ZNF90: variants seen among roughly 807,000 people sequenced by gnomAD.
ZNF90 encodes the protein zinc finger protein 90, also known as zinc finger protein HTF9.
Under a neutral mutation model 12.0 loss-of-function variants are expected in ZNF90, and 11 were observed. That is an observed-to-expected ratio of 0.92 (90% confidence interval 0.58 to 1.52). The LOEUF (loss-of-function observed/expected upper bound fraction) is 1.52. Ranked by LOEUF, ZNF90 falls within the 40% of genes most tolerant of loss-of-function variation. The pLI, the probability that ZNF90 is intolerant of heterozygous loss-of-function variation, is 0.00. For missense variants in ZNF90, 765 were observed against 711.5 expected (o/e 1.08, Z -0.86); for synonymous variants, 232 against 240.1 (o/e 0.97, Z 0.31).
chr19:20,088,354 C>T (rs1350433897), intron 1 of ZNF90, among the ~76,000 whole-genome samples: 1 of 151,936 alleles, frequency 6.6e-6, no homozygotes, highest in Non-Finnish European at 1.5e-5. Flanking sequence ...TTAGAAGAAA[C>T]ATTTGTCGTA....
At chr19:20,101,853 T>C (rs976690337) in intron 1 of ZNF90, among the ~76,000 whole-genome samples, 11 of 152,328 alleles carry the variant, frequency 7.2e-5, no homozygotes, top group African/African-American at 2.6e-4. Context: ...CATTTAGCAC[T>C]CAGAAAACTT....
intron 3 of ZNF90, among the ~76,000 whole-genome samples, chr19:20,106,327 A>G (rs1023660225): frequency 4.6e-5 from 7 of 152,088 alleles, no homozygotes; most frequent in African/African-American, 1.4e-4. Context: ...TTCAATTTCA[A>G]TGGATTTTTT....
rs2089157997 is a variant in ZNF90 at position 20,118,180 on chromosome 19, C to G, written c.626C>G (p.Ala209Gly). The change falls in exon 4 of 4, where the codon GCC (alanine) becomes GGC (glycine). Residue 209 changes from alanine (A) to glycine (G), a missense_variant. Transcript: ENST00000418063. Reference sequence around the variant, plus strand: ...TGCAAATGTGAAGAATGTGGCAAAGCCTTCAACAGGTCCTCACACCTTACT... The same window carrying G: ...TGCAAATGTGAAGAATGTGGCAAAGGCTTCAACAGGTCCTCACACCTTACT... ...ITCKCEECGK[A>G]FNRSSHLTSH... 2 of 1,612,794 alleles carry G rather than the reference C, an allele frequency of 1.2e-6. No individual in the cohort carries two copies. The highest frequency in any genetic ancestry group is 1.7e-6 in the Non-Finnish European group (2 of 1,179,318).
intron 1 of ZNF90, among the ~76,000 whole-genome samples, chr19:20,084,173 C>T (rs781847640): frequency 6.3e-4 from 95 of 151,862 alleles, no homozygotes; most frequent in Non-Finnish European, 1.2e-3. Context: ...CCTGCCTCAG[C>T]CTTCTGTGTA....
rs543237655 is a variant in ZNF90 at position 20,120,564 on chromosome 19, T to A, written c.*1204T>A. Reference sequence around the variant, plus strand: ...TTAGAAAACACCAGAGAGTTGATACTAAAATATATGTTTGCAGAAACAGTA... The same window carrying A: ...TTAGAAAACACCAGAGAGTTGATACAAAAATATATGTTTGCAGAAACAGTA... On this transcript the variant is annotated 3_prime_UTR_variant, in exon 4 of 4. Transcript: ENST00000418063. Among the ~76,000 whole-genome samples the A allele has an allele frequency of 1.6e-4, 24 of 152,270 alleles. 1 individual carries two copies. Among genetic ancestry groups the A allele is most frequent in the South Asian group, 8.3e-4 (4 of 4,810 alleles).
intron 1 of ZNF90, among the ~76,000 whole-genome samples, chr19:20,104,035 G>A (rs967496026): frequency 2.6e-5 from 4 of 152,138 alleles, no homozygotes; most frequent in African/African-American, 9.7e-5. Context: ...ATGAACTGAT[G>A]TTGTGGATCC....
intron 1 of ZNF90, among the ~76,000 whole-genome samples, chr19:20,103,118 C>T (rs755336494): frequency 5.1e-4 from 77 of 152,190 alleles, no homozygotes; most frequent in Middle Eastern, 3.4e-3. Flanking sequence ...GGTGGGACAC[C>T]AGGGGGCCAT....
chr19:20,085,135 A>G (rs927925571), intron 1 of ZNF90, among the ~76,000 whole-genome samples: 1 of 152,124 alleles, frequency 6.6e-6, no homozygotes, highest in Non-Finnish European at 1.5e-5. Flanking sequence ...TGTCTTCTAC[A>G]TAGTGTTAGG....
intron 1 of ZNF90, among the ~76,000 whole-genome samples, chr19:20,081,834 G>C (rs928029760): frequency 6.7e-6 from 1 of 149,494 alleles, no homozygotes; most frequent in Non-Finnish European, 1.5e-5. Context: ...GCGAGATCTC[G>C]GCTCACTGCA....
rs565462425 is a variant in ZNF90, at chr19:20,117,149, TCTC to T, written c.227-629_227-627del. Among the ~76,000 whole-genome samples the T allele has an allele frequency of 2.1e-4, 32 of 151,764 alleles. No homozygotes were observed. The South Asian group carries it at 5.9e-3, about 28-fold the overall frequency. On this transcript the variant is annotated intron_variant, in intron 3 of 3. Coordinates refer to ENST00000418063, the MANE Select transcript of ZNF90 (RefSeq NM_007138.2). ...TCTCTACCTCCACAGTTCAAGCAAT[TCTC>T]CTGCCTAAGCCTCCCAAGTAGCTAG...
intron 1 of ZNF90, among the ~76,000 whole-genome samples, chr19:20,100,792 G>A (rs1452513104): frequency 6.6e-6 from 1 of 152,156 alleles, no homozygotes; most frequent in Non-Finnish European, 1.5e-5. Context: ...CATGGGACTT[G>A]TAACTCAGCT....
chr19:20,087,657 A>T (rs2088869631), intron 1 of ZNF90: 1 of 152,256 alleles, frequency 6.6e-6, no homozygotes, highest in African/African-American at 2.4e-5. Context: ...TCAGTGGCAG[A>T]TGGTAGAGGT....
intron 1 of ZNF90, among the ~76,000 whole-genome samples, chr19:20,078,674 C>T (rs151253776): frequency 3.1e-4 from 47 of 152,060 alleles, no homozygotes; most frequent in African/African-American, 1.1e-3. Context: ...TGTAAATCAC[C>T]CCTACCCCTT....
At chr19:20,080,180 G>C in intron 1 of ZNF90, 1 of 487,330 alleles carries the variant, frequency 2.1e-6, no homozygotes, top group Middle Eastern at 7.0e-4. Flanking sequence ...TTGCTGCCCA[G>C]GGGCAGCACA....
At chr19:20,083,628 C>T (rs2088837729) in intron 1 of ZNF90, among the ~76,000 whole-genome samples, 1 of 151,822 alleles carries the variant, frequency 6.6e-6, no homozygotes, top group African/African-American at 2.4e-5. Context: ...CGCCCAGGCT[C>T]TGCATTAGTT....
chr19:20,090,408 G>A (rs2088893246), intron 1 of ZNF90, among the ~76,000 whole-genome samples: 1 of 152,078 alleles, frequency 6.6e-6, no homozygotes, highest in Admixed American at 6.5e-5. Context: ...TTAAGTGGGG[G>A]AGAGTACTTG....
chr19:20,117,887 A>G lies in ZNF90; in HGVS notation c.333A>G (p.Leu111=). 1.9e-6 allele frequency: 3 copies of G among 1,611,724 alleles called. No homozygotes were observed. Among genetic ancestry groups the G allele is most frequent in the Non-Finnish European group, 2.5e-6 (3 of 1,178,966 alleles). Reference sequence around the variant, plus strand: ...ATGAAAAACGTGAATATGGCAATTTAGAGTTAAAAAAAGGTTGTGAAAGTG... The same window carrying G: ...ATGAAAAACGTGAATATGGCAATTTGGAGTTAAAAAAAGGTTGTGAAAGTG... ...TRYEKREYGN[L]ELKKGCESVD... is the part of the protein sequence containing the mutation. The change falls in exon 4 of 4, where the codon TTA becomes TTG. Residue 111 remains leucine (L), a synonymous_variant. Coordinates refer to ENST00000418063, the MANE Select transcript of ZNF90 (RefSeq NM_007138.2).
Position 20,119,145 on chromosome 19 carries a change from C to T in ZNF90, c.1591C>T (p.His531Tyr). 3 of 1,612,576 alleles carry T rather than the reference C, an allele frequency of 1.9e-6. No individual in the cohort carries two copies. Among genetic ancestry groups the T allele is most frequent in the Non-Finnish European group, 2.5e-6 (3 of 1,179,218 alleles). The change falls in exon 4 of 4, where the codon CAT becomes TAT. Residue 531 changes from histidine to tyrosine, a missense_variant. By Grantham distance (83) the His-to-Tyr change is moderately conservative. Coordinates refer to ENST00000418063, the MANE Select transcript of ZNF90 (RefSeq NM_007138.2). Reference protein sequence around the residue: ...SSVLSKHKIIHTGAKPYKCEE... With the variant: ...SSVLSKHKIIYTGAKPYKCEE... ...AGTCCTTAGTAAACATAAGATAATT[C>T]ATACTGGAGCGAAACCCTACAAATG...
In ZNF90 at chr19:20,117,667, T is replaced by G. The variant is rs971727198; in HGVS notation, c.227-114T>G. On this transcript the variant is annotated intron_variant, in intron 3 of 3. Transcript: ENST00000418063. ...TGAAGTAATGTGTTCTTATTGTTTC[T>G]TTCAGTTATGTGTTTTCATTTTGCC... The G allele has an allele frequency of 7.1e-6, 10 of 1,408,678 alleles. No homozygotes were observed. In the African/African-American group the frequency reaches 1.5e-4, roughly 21 times the overall value. The allele number at this position is 1,408,678 out of a possible 1,614,324, so 87.3% of individuals were successfully genotyped here. A position where few individuals can be genotyped will look rare whatever the true frequency, so the allele number is the denominator to read the frequency against.
Sources: gnomAD v4.1 joint callset for allele counts (sites outside exome capture counted in the v4.1 genomes callset) on GRCh38, gnomAD v4.1.1 for gene constraint, MANE v1.5 for transcripts, NCBI Gene and HGNC (gene_info 2026-07-23, HGNC 2026-07-21) for gene names.